ZFHX4: variants seen among roughly 807,000 people sequenced by gnomAD.
ZFHX4 encodes the protein zinc finger homeobox protein 4.
A neutral mutation model predicts 267.6 loss-of-function variants in ZFHX4; 56 were observed. The ratio of observed to expected loss-of-function variants is 0.21; its 90% CI spans 0.17 to 0.26. The LOEUF (loss-of-function observed/expected upper bound fraction) is 0.26. ZFHX4 is among the 10% of genes least tolerant of loss of function. The pLI is 1.00. For synonymous variants in ZFHX4, 1,778 were observed against 1,665.6 expected (o/e 1.07, Z -1.64); for missense variants, 4,332 against 4,420.0 (o/e 0.98, Z 0.56).
intron 3 of ZFHX4, among the ~76,000 whole-genome samples, chr8:76,777,456 A>G (rs544321040): frequency 1.3e-5 from 2 of 152,324 alleles, no homozygotes; most frequent in East Asian, 3.9e-4. Context: ...AATTAGATTA[A>G]ACTTCAAATT....
At chr8:76,748,891 C>A in intron 3 of ZFHX4, among the ~76,000 whole-genome samples, 1 of 152,132 alleles carries the variant, frequency 6.6e-6, no homozygotes, top group Non-Finnish European at 1.5e-5. Flanking sequence ...AGTCGTTCCC[C>A]ATTTCAACTT....
At chr8:76,688,455 G>C (rs531168472) in intron 1 of ZFHX4, among the ~76,000 whole-genome samples, 9 of 152,220 alleles carry the variant, frequency 5.9e-5, no homozygotes, top group South Asian at 2.1e-4. Flanking sequence ...TCTGAATGCA[G>C]TCTTCATGTT....
rs777380508 is a variant in ZFHX4, at chr8:76,852,537, T to A, written c.5616T>A (p.Phe1872Leu). The change falls in exon 10 of 11, where the codon TTT becomes TTA. Residue 1872 changes from phenylalanine (F) to leucine (L), a missense_variant. Transcript: ENST00000651372. ...AGCCAGAAAAACCAAAGCAGGAATTTATAAGTGAAGGTGAAGGACTCAAAG... is the reference window on the plus strand; with the variant it reads ...AGCCAGAAAAACCAAAGCAGGAATTAATAAGTGAAGGTGAAGGACTCAAAG... ...SEKPEKPKQE[F>L]ISEGEGLKEG... is the part of the protein sequence containing the mutation. 1 of 1,610,064 alleles carries A rather than the reference T, an allele frequency of 6.2e-7. No individual in the cohort carries two copies.
At chr8:76,712,031 C>T (rs181574421) in intron 3 of ZFHX4, among the ~76,000 whole-genome samples, 36 of 152,282 alleles carry the variant, frequency 2.4e-4, no homozygotes, top group African/African-American at 8.2e-4. Flanking sequence ...ATTATACTAC[C>T]TCTTTTTTTC....
chr8:76,794,232 C>T (rs766328010), intron 4 of ZFHX4, among the ~76,000 whole-genome samples: 1 of 152,054 alleles, frequency 6.6e-6, no homozygotes, highest in Non-Finnish European at 1.5e-5. Context: ...AATACTTTTG[C>T]ACCGCTATAG....
chr8:76,792,572 T>C (rs1452422361), intron 4 of ZFHX4, among the ~76,000 whole-genome samples: 2 of 152,192 alleles, frequency 1.3e-5, no homozygotes, highest in Non-Finnish European at 2.9e-5. Context: ...CAAGATCATA[T>C]GTTTCTTGGA....
chr8:76,790,709 A>G (rs1810813135), intron 4 of ZFHX4, among the ~76,000 whole-genome samples: 1 of 152,084 alleles, frequency 6.6e-6, no homozygotes, highest in Non-Finnish European at 1.5e-5. Context: ...AACTACTATC[A>G]TCAGTTATCT....
chr8:76,715,307 C>T (rs960060544), intron 3 of ZFHX4, among the ~76,000 whole-genome samples: 1 of 151,476 alleles, frequency 6.6e-6, no homozygotes, highest in Non-Finnish European at 1.5e-5. Flanking sequence ...CCTGGTGAAA[C>T]CCTGACTCTA....
chr8:76,692,644 TA>T, intron 1 of ZFHX4, among the ~76,000 whole-genome samples: 1 of 152,256 alleles, frequency 6.6e-6, no homozygotes. Context: ...CATGATGAGT[TA>T]ATGTATATAA....
chr8:76,779,802 C>A (rs1033722101), intron 4 of ZFHX4, among the ~76,000 whole-genome samples: 1 of 152,002 alleles, frequency 6.6e-6, no homozygotes, highest in South Asian at 2.1e-4. Context: ...CCAGCAATCA[C>A]GAACCTATAA....
chr8:76,728,794 C>T (rs1377711266), intron 3 of ZFHX4, among the ~76,000 whole-genome samples: 2 of 152,118 alleles, frequency 1.3e-5, no homozygotes, highest in African/African-American at 2.4e-5. Flanking sequence ...CCTGAATTAT[C>T]AAGGTTTCTT....
intron 4 of ZFHX4, among the ~76,000 whole-genome samples, chr8:76,816,146 T>A (rs1024557690): frequency 5.3e-5 from 8 of 152,196 alleles, no homozygotes; most frequent in African/African-American, 1.7e-4. Flanking sequence ...ACAAAGCTAA[T>A]TCATGGTGCA....
At chr8:76,822,385 T>C (rs1811672209) in intron 4 of ZFHX4, among the ~76,000 whole-genome samples, 1 of 152,068 alleles carries the variant, frequency 6.6e-6, no homozygotes, top group African/African-American at 2.4e-5. Context: ...ATTTTATACT[T>C]GTGATTCCAA....
intron 3 of ZFHX4, among the ~76,000 whole-genome samples, chr8:76,717,311 A>G (rs1808601662): frequency 6.6e-6 from 1 of 152,142 alleles, no homozygotes. Context: ...TCTCCTCCTC[A>G]AAATTCTGCT....
At chr8:76,743,592 G>C (rs1388715998) in intron 3 of ZFHX4, among the ~76,000 whole-genome samples, 1 of 152,188 alleles carries the variant, frequency 6.6e-6, no homozygotes, top group Non-Finnish European at 1.5e-5. Flanking sequence ...TGGTAAAGGA[G>C]CTTAAGTCAC....
rs143384988 is a variant in ZFHX4, at chr8:76,727,743, G to A, written c.3093+19695G>A. Among the ~76,000 whole-genome samples the A allele has an allele frequency of 2.7e-3, 410 of 152,250 alleles. 7 individuals carry two copies. The highest frequency in any genetic ancestry group is 3.4e-3 in the Middle Eastern group (1 of 294). On this transcript the variant is annotated intron_variant, in intron 3 of 10. Transcript: ENST00000651372. ...ATTTGGTTCCTAATTGATTTTCTAC[G>A]TCAGTTGTTCATTGAATAGATAAGT...
intron 4 of ZFHX4, among the ~76,000 whole-genome samples, chr8:76,802,209 T>C (rs1227575321): frequency 3.3e-5 from 5 of 152,274 alleles, no homozygotes; most frequent in African/African-American, 1.2e-4. Context: ...CAAGGCAGCC[T>C]TCAAGATTAT....
chr8:76,859,436 A>G (rs1400075390), intron 10 of ZFHX4, among the ~76,000 whole-genome samples: 1 of 152,160 alleles, frequency 6.6e-6, no homozygotes, highest in Non-Finnish European at 1.5e-5. Context: ...ATATCAACGT[A>G]TGTTTATATA....
rs892808365 is a variant in ZFHX4 at position 76,853,488 on chromosome 8, A to G, written c.6567A>G (p.Lys2189=). 1 of 1,613,810 alleles carries G rather than the reference A, an allele frequency of 6.2e-7. No homozygotes were observed. Among genetic ancestry groups the G allele is most frequent in the African/African-American group, 1.3e-5 (1 of 74,932 alleles). Residue 2189 remains lysine (K), a synonymous_variant, in exon 10 of 11, where the codon AAA becomes AAG. Transcript: ENST00000651372. Reference sequence around the variant, plus strand: ...TTTTTAAGGAACGACAGAGAAATAAAGATTCACCATACAACTTCAGTAACC... The same window carrying G: ...TTTTTAAGGAACGACAGAGAAATAAGGATTCACCATACAACTTCAGTAACC... ...NTLFKERQRN[K]DSPYNFSNPP...
Sources: allele counts gnomAD v4.1 joint callset (sites outside exome capture counted in the v4.1 genomes callset), GRCh38; gene constraint gnomAD v4.1.1; transcripts MANE v1.5; gene names NCBI Gene and HGNC (gene_info 2026-07-23, HGNC 2026-07-21).